Variants in PCDH15 observed in about 807,000 individuals in gnomAD.
PCDH15 encodes the protein protocadherin-15.
Under a neutral mutation model 178.5 loss-of-function variants are expected in PCDH15, and 129 were observed. The observed-to-expected ratio is 0.72, with a 90% CI of 0.63 to 0.84. The LOEUF (loss-of-function observed/expected upper bound fraction) is 0.84, where lower values mean the gene tolerates loss of function less well. PCDH15 is among the 40% of genes least tolerant of loss of function. The probability of loss-of-function intolerance (pLI) is 0.00; values close to 1 mark genes in which losing one functional copy is unlikely to be tolerated. For synonymous variants in PCDH15, 800 were observed against 732.0 expected, an observed-to-expected ratio of 1.09 and a Z score of -1.50; for missense variants, 2,230 against 2,099.9, an observed-to-expected ratio of 1.06 and a Z score of -1.21.
chr10:54,654,987 GGATCACGA>G (rs2094344387), intron 2 of PCDH15: 1 of 152,308 alleles, frequency 6.6e-6, no homozygotes, highest in African/African-American at 2.4e-5. Flanking sequence ...TGAGGCGGGC[GGATCACGA>G]GGTCAGGAGA....
rs142888312 is a variant in PCDH15 at position 54,538,482 on chromosome 10, A to G, written c.92-10605T>C. On this transcript the variant is annotated intron_variant, in intron 2 of 37. Transcript: ENST00000644397. ...TCATTGGTCTATGTGTCTATTTTGT[A>G]CCAATAACATGTTTTGTTACCAGTA... Among the ~76,000 whole-genome samples, 123 of 152,128 alleles carry G rather than the reference A, an allele frequency of 8.1e-4. 1 individual carries two copies. The East Asian group carries it at 0.02, about 25-fold the overall frequency.
At chr10:54,542,757 A>G (rs907101751) in intron 2 of PCDH15, among the ~76,000 whole-genome samples, 1 of 151,244 alleles carries the variant, frequency 6.6e-6, no homozygotes, top group African/African-American at 2.4e-5. Context: ...GGAAGGGGGA[A>G]AGGGAAGTGC....
At chr10:54,112,099 T>C (rs2095036161) in intron 15 of PCDH15, among the ~76,000 whole-genome samples, 1 of 151,760 alleles carries the variant, frequency 6.6e-6, no homozygotes, top group South Asian at 2.1e-4. Flanking sequence ...GTCGAGATCA[T>C]GGCTACTGCA....
intron 3 of PCDH15, among the ~76,000 whole-genome samples, chr10:54,438,616 G>A (rs2075594203): frequency 6.6e-6 from 1 of 152,004 alleles, no homozygotes; most frequent in Admixed American, 6.6e-5. Flanking sequence ...CCAGAAGCAG[G>A]TAACAACTTG....
chr10:55,323,882 G>A (rs902500555), upstream of PCDH15, among the ~76,000 whole-genome samples: 1 of 152,104 alleles, frequency 6.6e-6, no homozygotes, highest in Non-Finnish European at 1.5e-5. Flanking sequence ...AGAATGATAG[G>A]TTTGGCTGTG....
intron 2 of PCDH15, among the ~76,000 whole-genome samples, chr10:55,517,927 C>T (rs949028650): frequency 6.6e-6 from 1 of 152,092 alleles, no homozygotes; most frequent in Non-Finnish European, 1.5e-5. Flanking sequence ...TTGAGCAAAA[C>T]AGTAACATAG....
intron 1 of PCDH15, among the ~76,000 whole-genome samples, chr10:54,723,814 A>T (rs111983010): frequency 6.6e-6 from 1 of 151,970 alleles, no homozygotes; most frequent in African/African-American, 2.4e-5. Context: ...ATCATCAGAG[A>T]AATGCAAGTT....
chr10:53,903,882 T>G (rs1321972685), intron 25 of PCDH15, among the ~76,000 whole-genome samples: 2 of 152,180 alleles, frequency 1.3e-5, no homozygotes, highest in Non-Finnish European at 2.9e-5. Context: ...GGGTGAGGTG[T>G]TTATTTCCAC....
At chr10:53,850,557 CACTT>C (rs1044942851) in intron 28 of PCDH15, among the ~76,000 whole-genome samples, 2 of 152,008 alleles carry the variant, frequency 1.3e-5, no homozygotes, top group African/African-American at 4.8e-5. Flanking sequence ...AGCTTAGTCA[CACTT>C]AACCTTTTTT....
chr10:54,126,093 C>T (rs1590647174), intron 15 of PCDH15, among the ~76,000 whole-genome samples: 1 of 140,054 alleles, frequency 7.1e-6, no homozygotes, highest in East Asian at 2.0e-4. Context: ...TTTTTTGAGA[C>T]CGAATCTCGC....
chr10:54,726,399 G>T, intron 1 of PCDH15, among the ~76,000 whole-genome samples: 1 of 149,430 alleles, frequency 6.7e-6, no homozygotes, highest in Admixed American at 6.8e-5. Context: ...TTCATCTTTA[G>T]CACATTTCTA....
At chr10:54,157,359 G>C (rs930653213) in intron 13 of PCDH15, among the ~76,000 whole-genome samples, 1 of 152,188 alleles carries the variant, frequency 6.6e-6, no homozygotes, top group East Asian at 1.9e-4. Flanking sequence ...GCACCTGCAG[G>C]CTCAACACCA....
At chr10:54,779,086 T>C (rs1950001409) in intron 1 of PCDH15, among the ~76,000 whole-genome samples, 1 of 152,046 alleles carries the variant, frequency 6.6e-6, no homozygotes. Flanking sequence ...AATACCCTTT[T>C]AAGTTGCAGG....
At chr10:55,042,719 C>T (rs530505451) in intron 2 of PCDH15, among the ~76,000 whole-genome samples, 2 of 152,100 alleles carry the variant, frequency 1.3e-5, no homozygotes, top group East Asian at 3.9e-4. Context: ...TATGCACAGG[C>T]ACTAACTGGA....
At chr10:55,165,853 T>C (rs1282805212) in intron 2 of PCDH15, among the ~76,000 whole-genome samples, 1 of 152,104 alleles carries the variant, frequency 6.6e-6, no homozygotes, top group African/African-American at 2.4e-5. Context: ...ATTTTATTCA[T>C]TACTACCTTG....
chr10:54,296,407 C>T (rs1050851595), intron 8 of PCDH15, among the ~76,000 whole-genome samples: 1 of 151,962 alleles, frequency 6.6e-6, no homozygotes, highest in Non-Finnish European at 1.5e-5. Context: ...AGACATGTCG[C>T]CTAAGGGAGA....
intron 8 of PCDH15, among the ~76,000 whole-genome samples, chr10:54,293,139 A>T (rs1383451079): frequency 2.0e-4 from 30 of 152,164 alleles, no homozygotes; most frequent in Admixed American, 2.0e-3. Flanking sequence ...ATGGAACAGG[A>T]AACTGGGCTC....
At chr10:54,392,096 G>A (rs1950605704) in intron 3 of PCDH15, among the ~76,000 whole-genome samples, 1 of 151,994 alleles carries the variant, frequency 6.6e-6, no homozygotes, top group Non-Finnish European at 1.5e-5. Flanking sequence ...CTATAGTACA[G>A]GTACTTTGTT....
At chr10:55,072,670 C>A (rs1318173017) in intron 2 of PCDH15, among the ~76,000 whole-genome samples, 1 of 151,954 alleles carries the variant, frequency 6.6e-6, no homozygotes, top group South Asian at 2.1e-4. Flanking sequence ...ACCAGAGGTA[C>A]AAGGAGGAAC....
Sources: gnomAD v4.1 joint callset for allele counts (sites outside exome capture counted in the v4.1 genomes callset) on GRCh38, gnomAD v4.1.1 for gene constraint, MANE v1.5 for transcripts, NCBI Gene and HGNC (gene_info 2026-07-23, HGNC 2026-07-21) for gene names.